Variants in DAB2IP observed in about 807,000 individuals in gnomAD.
The protein encoded by DAB2IP is disabled homolog 2-interacting protein.
Under a neutral mutation model 107.2 loss-of-function variants are expected in DAB2IP, and 28 were observed. That is an observed-to-expected ratio of 0.26 (90% CI 0.19 to 0.36). DAB2IP has a LOEUF of 0.36. Ranked by LOEUF, DAB2IP falls within the 10% of genes least tolerant of loss-of-function variation. The probability of loss-of-function intolerance (pLI) is 1.00; values close to 1 mark genes in which losing one functional copy is unlikely to be tolerated. For synonymous variants in DAB2IP, 755 were observed against 706.4 expected, an observed-to-expected ratio of 1.07 and a Z score of -1.09; for missense variants, 1,400 against 1,644.7, an observed-to-expected ratio of 0.85 and a Z score of 2.57.
At chr9:121,758,876 C>T (rs768112950) in intron 4 of DAB2IP, 22 bp from the exon 5 acceptor site, 1 of 1,608,156 alleles carries the variant, frequency 6.2e-7, no homozygotes. Flanking sequence ...CCTCATAACA[C>T]TGTCTTGCCT....
intron 1 of DAB2IP, among the ~76,000 whole-genome samples, chr9:121,581,817 G>T (rs190608101): frequency 4.0e-4 from 61 of 152,274 alleles, no homozygotes; most frequent in African/African-American, 1.3e-3. Context: ...GGAGAGATTC[G>T]AGCAGAGGAG....
intron 3 of DAB2IP, among the ~76,000 whole-genome samples, chr9:121,738,996 A>G (rs984661867): frequency 6.6e-6 from 1 of 152,248 alleles, no homozygotes; most frequent in Non-Finnish European, 1.5e-5. Context: ...GAGTCAGGGA[A>G]TTTCTGTCTG....
chr9:121,718,247 A>T (rs886160147), intron 3 of DAB2IP, among the ~76,000 whole-genome samples: 14 of 152,076 alleles, frequency 9.2e-5, no homozygotes, highest in Non-Finnish European at 1.8e-4. Flanking sequence ...ACGCCCTCCA[A>T]GGCTCACTCA....
intron 14 of DAB2IP, 23 bp from the exon 15 acceptor site, chr9:121,781,441 A>ACTGT (rs772646301): frequency 5.8e-5 from 94 of 1,613,096 alleles, no homozygotes; most frequent in Non-Finnish European, 7.7e-5. Flanking sequence ...GGCCAGTCTG[A>ACTGT]CTGTCTCTGT....
chr9:121,696,197 A>G (rs908927757), intron 2 of DAB2IP, among the ~76,000 whole-genome samples: 1 of 151,842 alleles, frequency 6.6e-6, no homozygotes, highest in Non-Finnish European at 1.5e-5. Flanking sequence ...TGCCAATTTA[A>G]TCCTCACTGC....
chr9:121,602,267 C>T (rs1437428607), intron 1 of DAB2IP, among the ~76,000 whole-genome samples: 1 of 152,212 alleles, frequency 6.6e-6, no homozygotes, highest in African/African-American at 2.4e-5. Flanking sequence ...AGGCCCTTGG[C>T]TGACGGGAGC....
intron 15 of DAB2IP, 68 bp downstream of exon 15, chr9:121,781,619 C>T: frequency 4.7e-6 from 7 of 1,485,624 alleles, no homozygotes; most frequent in Non-Finnish European, 6.5e-6. Context: ...GGTGACTAGC[C>T]TCTCCATCCT....
chr9:121,567,309 A>C, intron 1 of DAB2IP: 1 of 1,599,298 alleles, frequency 6.3e-7, no homozygotes, highest in East Asian at 2.2e-5. Context: ...TAGGAATCTG[A>C]GTTGAAGCAG....
chr9:121,641,968 CTCTCTTTCTT>C (rs761613767), intron 1 of DAB2IP, among the ~76,000 whole-genome samples: 68 of 101,850 alleles, frequency 6.7e-4, no homozygotes, highest in Non-Finnish European at 8.5e-4. Context: ...CTTTCTCTCT[CTCTCTTTCTT>C]TCTTTCTTTC....
At chr9:121,600,114 G>C (rs1830643051) in intron 1 of DAB2IP, among the ~76,000 whole-genome samples, 1 of 152,104 alleles carries the variant, frequency 6.6e-6, no homozygotes, top group Non-Finnish European at 1.5e-5. Context: ...GGAGTTGGGG[G>C]TGGGGGGTGC....
At chr9:121,577,406 C>G (rs1830088094) in intron 1 of DAB2IP, among the ~76,000 whole-genome samples, 1 of 152,240 alleles carries the variant, frequency 6.6e-6, no homozygotes, top group African/African-American at 2.4e-5. Flanking sequence ...CAGGGCGCCT[C>G]TGTGTGTGCG....
intron 3 of DAB2IP, among the ~76,000 whole-genome samples, chr9:121,727,897 C>T (rs1831321085): frequency 6.6e-6 from 1 of 152,218 alleles, no homozygotes; most frequent in Admixed American, 6.5e-5. Context: ...TGTCTGCCTT[C>T]TCCCTTGTCC....
At chr9:121,652,079 G>T (rs1286879803) in intron 1 of DAB2IP, among the ~76,000 whole-genome samples, 180 bp downstream of exon 1, 1 of 152,058 alleles carries the variant, frequency 6.6e-6, no homozygotes, top group East Asian at 1.9e-4. Context: ...TCCTCCTCTC[G>T]CCGGGGGAAG....
chr9:121,773,814 G>A (rs1379830638), intron 12 of DAB2IP, among the ~76,000 whole-genome samples: 2 of 152,172 alleles, frequency 1.3e-5, no homozygotes, highest in African/African-American at 4.8e-5. Context: ...ACCCAGCTCT[G>A]CCCCCACACG....
intron 10 of DAB2IP, among the ~76,000 whole-genome samples, chr9:121,769,240 T>C (rs1010941189): frequency 6.6e-6 from 1 of 152,144 alleles, no homozygotes; most frequent in African/African-American, 2.4e-5. Context: ...CACCTTACTT[T>C]TGTAAGGTGC....
intron 1 of DAB2IP, among the ~76,000 whole-genome samples, chr9:121,671,325 G>C (rs935169847): frequency 3.3e-5 from 5 of 152,154 alleles, no homozygotes; most frequent in Non-Finnish European, 5.9e-5. Context: ...GACTGACCTA[G>C]ACTCCATCTC....
At chr9:121,765,450 G>A (rs1405425984) in intron 8 of DAB2IP, among the ~76,000 whole-genome samples, 2 of 152,246 alleles carry the variant, frequency 1.3e-5, no homozygotes, top group Admixed American at 6.5e-5. Flanking sequence ...CAGCCAGCAT[G>A]CATTGCAGGA....
chr9:121,718,477 G>A (rs985337990), intron 3 of DAB2IP, among the ~76,000 whole-genome samples: 1 of 152,070 alleles, frequency 6.6e-6, no homozygotes, highest in African/African-American at 2.4e-5. Context: ...CAAGTCCCTC[G>A]GGAGTCTCCA....
At chr9:121,567,993 C>G (rs558585957) in intron 1 of DAB2IP, among the ~76,000 whole-genome samples, 2 of 151,586 alleles carry the variant, frequency 1.3e-5, no homozygotes, top group African/African-American at 4.8e-5. Context: ...GCCGAGGCAC[C>G]GAGGCTGGGC....
Sources: allele counts gnomAD v4.1 joint callset (sites outside exome capture counted in the v4.1 genomes callset), GRCh38; gene constraint gnomAD v4.1.1; transcripts MANE v1.5; gene names NCBI Gene and HGNC (gene_info 2026-07-23, HGNC 2026-07-21).